Variants in CCDC88C observed in about 807,000 individuals in gnomAD.
CCDC88C encodes protein Daple.
Under a neutral mutation model 198.8 loss-of-function variants are expected in CCDC88C, and 131 were observed. The ratio of observed to expected loss-of-function variants is 0.66; its 90% CI spans 0.57 to 0.76. CCDC88C has a LOEUF of 0.76. Ranked by LOEUF, CCDC88C falls within the 30% of genes least tolerant of loss-of-function variation. The probability of loss-of-function intolerance (pLI) is 0.00; values close to 1 mark genes in which losing one functional copy is unlikely to be tolerated. For synonymous variants in CCDC88C, 1,166 were observed against 1,114.7 expected, an observed-to-expected ratio of 1.05 and a Z score of -0.92; for missense variants, 2,553 against 2,631.6, an observed-to-expected ratio of 0.97 and a Z score of 0.65.
At chr14:91,330,243 A>G (rs1040275086) in intron 10 of CCDC88C, among the ~76,000 whole-genome samples, 6 of 152,226 alleles carry the variant, frequency 3.9e-5, no homozygotes, top group Non-Finnish European at 8.8e-5. Flanking sequence ...AGGCTGGGAG[A>G]CGCAGCCCGC....
intron 15 of CCDC88C, among the ~76,000 whole-genome samples, chr14:91,311,426 G>A (rs1411241559): frequency 6.6e-6 from 1 of 152,166 alleles, no homozygotes. Context: ...GTTGGGTGTG[G>A]CTGTGCTGCT....
At chr14:91,315,870 C>A in intron 13 of CCDC88C, 83 bp from the exon 14 acceptor site, 1 of 1,437,086 alleles carries the variant, frequency 7.0e-7, no homozygotes, top group South Asian at 1.3e-5. Context: ...GAAACCACCC[C>A]AACAGAATGC....
Position 91,294,253 on chromosome 14 carries a change from CAGCTGGATCTGGCTCAGG to C in CCDC88C, c.4014_4031del (p.Ile1342_Gln1347del), listed in dbSNP as rs768795691. ...GAAGCATCTGGTTCTGCTGGCTCAA[CAGCTGGATCTGGCTCAGG>C]AGGTGATGATTTTCTTCCTCCAAGT... is the stretch of plus-strand genomic sequence containing the variant. On this transcript the variant is annotated inframe_deletion, in exon 23 of 30. Transcript: ENST00000389857. The C allele has an allele frequency of 9.3e-6, 15 of 1,614,050 alleles. No homozygotes were observed. The highest frequency in any genetic ancestry group is 1.2e-5 in the Non-Finnish European group (14 of 1,179,890).
intron 4 of CCDC88C, among the ~76,000 whole-genome samples, chr14:91,355,376 CT>C (rs1278426037): frequency 1.3e-5 from 2 of 152,308 alleles, no homozygotes; most frequent in African/African-American, 4.8e-5. Context: ...GGGGCAGGCT[CT>C]TATAAGAGCC....
intron 2 of CCDC88C, among the ~76,000 whole-genome samples, chr14:91,412,051 C>T (rs921291682): frequency 1.3e-5 from 2 of 151,678 alleles, no homozygotes; most frequent in Non-Finnish European, 2.9e-5. Context: ...TAACCTTGCC[C>T]CCCTCCTTTG....
At chr14:91,340,477 G>A (rs904643327) in intron 6 of CCDC88C, among the ~76,000 whole-genome samples, 3 of 152,122 alleles carry the variant, frequency 2.0e-5, no homozygotes, top group African/African-American at 7.2e-5. Context: ...TTGTTTTCTG[G>A]ATCTATTCAT....
At chr14:91,303,594 TC>T (rs1344642509) in intron 20 of CCDC88C, 106 bp downstream of exon 20, 9 of 1,043,010 alleles carry the variant, frequency 8.6e-6, no homozygotes, top group Middle Eastern at 3.1e-4. Flanking sequence ...GCCCTGCCTC[TC>T]CCCTAGGTCC....
intron 3 of CCDC88C, among the ~76,000 whole-genome samples, chr14:91,407,006 T>C (rs907599699): frequency 2.0e-5 from 3 of 152,060 alleles, no homozygotes; most frequent in African/African-American, 7.2e-5. Flanking sequence ...AGAGAGCCCA[T>C]AGTGCCCCTC....
rs1285818 is a variant in CCDC88C, at chr14:91,370,858, C to T, written c.271-11147G>A. On this transcript the variant is annotated intron_variant, in intron 3 of 29. Transcript: ENST00000389857. ...TCCATAGAGTCAGGAAACTGAGGTC[C>T]GGAGCAAAAAATGACAGAGGCGTAG... Among the ~76,000 whole-genome samples the T allele has an allele frequency of 1.6e-3, 237 of 152,214 alleles. 5 individuals are homozygous for T. The East Asian group carries it at 0.02, about 13-fold the overall frequency.
At chr14:91,398,429 G>A (rs1427528362) in intron 3 of CCDC88C, among the ~76,000 whole-genome samples, 9 of 152,200 alleles carry the variant, frequency 5.9e-5, no homozygotes, top group East Asian at 1.9e-4. Flanking sequence ...GCCAAGGCAG[G>A]AGGATCGCTT....
chr14:91,394,842 C>A (rs1032671712), intron 3 of CCDC88C, among the ~76,000 whole-genome samples: 1 of 152,182 alleles, frequency 6.6e-6, no homozygotes, highest in Non-Finnish European at 1.5e-5. Flanking sequence ...CCAAATGAAT[C>A]AGAGCGCATT....
At chr14:91,331,405 G>A (rs1892819424) in intron 10 of CCDC88C, among the ~76,000 whole-genome samples, 1 of 152,194 alleles carries the variant, frequency 6.6e-6, no homozygotes, top group Non-Finnish European at 1.5e-5. Context: ...GTGGAGGAGG[G>A]CAGAGGAGCT....
At chr14:91,327,838 G>A (rs1246744064) in intron 10 of CCDC88C, among the ~76,000 whole-genome samples, 1 of 152,108 alleles carries the variant, frequency 6.6e-6, no homozygotes, top group Non-Finnish European at 1.5e-5. Flanking sequence ...AGCAACCACC[G>A]CACAGGCTGC....
rs568870741 is a variant in CCDC88C, at chr14:91,352,614, C to T, written c.340+7028G>A. On this transcript the variant is annotated intron_variant, in intron 4 of 29. Coordinates refer to ENST00000389857, the MANE Select transcript of CCDC88C (RefSeq NM_001080414.4). This position sits in a 1 kb window ranked among gnomAD's most constrained non-coding sequence, Gnocchi z 4.2. ...TTCCCTCCCATTCAAACGCCCAAAA[C>T]GTTTTGCAAATATGAAAATTATATA... Among the ~76,000 whole-genome samples, 4 of 152,238 alleles carry T rather than the reference C, an allele frequency of 2.6e-5. No individual in the cohort carries two copies. Among genetic ancestry groups the T allele is most frequent in the Admixed American group, 2.0e-4 (3 of 15,304 alleles).
chr14:91,291,999 G>A (rs957242700), intron 23 of CCDC88C, among the ~76,000 whole-genome samples: 2 of 152,148 alleles, frequency 1.3e-5, no homozygotes, highest in African/African-American at 2.4e-5. Context: ...ATGCCTCAGC[G>A]CTGGGTGGTC....
In CCDC88C at chr14:91,308,406, G is replaced by C; in HGVS notation, c.2951C>G (p.Ala984Gly). The C allele has an allele frequency of 6.2e-7, 1 of 1,613,978 alleles. No homozygotes were observed. The highest frequency in any genetic ancestry group is 8.5e-7 in the Non-Finnish European group (1 of 1,179,878). Residue 984 changes from alanine (A) to glycine (G), a missense_variant, in exon 17 of 30, where the codon GCA (alanine) becomes GGA (glycine). By Grantham distance (60) the Ala-to-Gly change is moderately conservative. Coordinates refer to ENST00000389857, the MANE Select transcript of CCDC88C (RefSeq NM_001080414.4). ...TAGGCTCGCTTTCTCTTCCATCTGT[G>C]CTTCTAAGAGCACAATCTTTTCTTC... Reference protein sequence around the residue: ...MKEEKIVLLEAQMEEKASLNR... With the variant: ...MKEEKIVLLEGQMEEKASLNR...
At chr14:91,404,289 C>T (rs558390935) in intron 3 of CCDC88C, among the ~76,000 whole-genome samples, 75 of 152,234 alleles carry the variant, frequency 4.9e-4, no homozygotes, top group Non-Finnish European at 9.4e-4. Context: ...CCTTCCCCTC[C>T]TCCAGTCTGA....
At chr14:91,353,667 A>G (rs1375533932) in intron 4 of CCDC88C, among the ~76,000 whole-genome samples, 3 of 152,206 alleles carry the variant, frequency 2.0e-5, no homozygotes, top group Non-Finnish European at 4.4e-5. Flanking sequence ...CTGAGAAGGA[A>G]GGTCGGTCAC....
At chr14:91,348,011 A>T (rs867614091) in intron 4 of CCDC88C, among the ~76,000 whole-genome samples, 2 of 152,160 alleles carry the variant, frequency 1.3e-5, no homozygotes, top group African/African-American at 4.8e-5. Flanking sequence ...GCCATAAAAA[A>T]TGGTGAGTTT....
Sources: gnomAD v4.1 joint callset for allele counts (sites outside exome capture counted in the v4.1 genomes callset) on GRCh38, gnomAD v4.1.1 for gene constraint, Gnocchi (gnomAD v3.1) non-coding constraint, MANE v1.5 for transcripts, NCBI Gene and HGNC (gene_info 2026-07-23, HGNC 2026-07-21) for gene names.